Variants in RNGTT observed in about 807,000 individuals in gnomAD.
RNGTT encodes RNA guanylyltransferase and 5'-phosphatase.
In RNGTT, 33 loss-of-function variants were observed where a neutral mutation model predicts 79.3. The observed-to-expected ratio is 0.42, with a 90% CI of 0.32 to 0.56. RNGTT has a LOEUF of 0.56. Ranked by LOEUF, RNGTT falls within the 20% of genes least tolerant of loss-of-function variation. The probability of loss-of-function intolerance (pLI) is 0.17; values close to 1 mark genes in which losing one functional copy is unlikely to be tolerated. For missense variants in RNGTT, 497 were observed against 739.1 expected, an observed-to-expected ratio of 0.67 and a Z score of 3.80; for synonymous variants, 222 against 235.9, an observed-to-expected ratio of 0.94 and a Z score of 0.54.
At chr6:88,707,725 T>TAAAAA (rs60313151) in intron 13 of RNGTT, among the ~76,000 whole-genome samples, 1 of 123,562 alleles carries the variant, frequency 8.1e-6, no homozygotes, top group African/African-American at 3.1e-5. Context: ...TCCCTAACAT[T>TAAAAA]AAAAAAAAAA....
At chr6:88,904,560 T>TC (rs1264317446) in intron 6 of RNGTT, among the ~76,000 whole-genome samples, 155 bp downstream of exon 6, 1 of 146,718 alleles carries the variant, frequency 6.8e-6, no homozygotes, top group Non-Finnish European at 1.5e-5. Context: ...AAACTTTCTC[T>TC]CCAAAAAAAA....
intron 11 of RNGTT, among the ~76,000 whole-genome samples, chr6:88,836,034 A>G (rs1281165219): frequency 8.0e-6 from 1 of 125,020 alleles, no homozygotes; most frequent in Non-Finnish European, 1.8e-5. Flanking sequence ...ATATATATAT[A>G]AGATTTACAT....
chr6:88,863,698 CCT>C (rs1562291652), intron 8 of RNGTT, among the ~76,000 whole-genome samples: 1 of 152,216 alleles, frequency 6.6e-6, no homozygotes, highest in Non-Finnish European at 1.5e-5. Context: ...TTTCTAGATT[CCT>C]CTCTCTTATT....
chr6:88,744,463 T>C (rs1777595878), intron 13 of RNGTT, among the ~76,000 whole-genome samples: 1 of 152,074 alleles, frequency 6.6e-6, no homozygotes, highest in Non-Finnish European at 1.5e-5. Context: ...GGTTTCACCA[T>C]GTTGGCCAAG....
At chr6:88,705,399 A>T (rs770820916) in intron 13 of RNGTT, among the ~76,000 whole-genome samples, 1 of 151,754 alleles carries the variant, frequency 6.6e-6, no homozygotes, top group Non-Finnish European at 1.5e-5. Context: ...AAGCAAACTT[A>T]TATGTAGATT....
chr6:88,706,329 A>T (rs1776129827), intron 13 of RNGTT, among the ~76,000 whole-genome samples: 1 of 152,106 alleles, frequency 6.6e-6, no homozygotes, highest in African/African-American at 2.4e-5. Flanking sequence ...ACAAGAAAAT[A>T]GAGGTCCCTC....
intron 4 of RNGTT, among the ~76,000 whole-genome samples, chr6:88,917,514 T>C (rs754783933): frequency 2.6e-5 from 4 of 152,158 alleles, no homozygotes; most frequent in Non-Finnish European, 5.9e-5. Flanking sequence ...CTGTGAAACA[T>C]ACTAAAGATT....
At chr6:88,729,170 G>A (rs1030066960) in intron 13 of RNGTT, among the ~76,000 whole-genome samples, 3 of 152,104 alleles carry the variant, frequency 2.0e-5, no homozygotes, top group Non-Finnish European at 2.9e-5. Context: ...TGTCTCTCAC[G>A]ACAGGCAGGA....
intron 14 of RNGTT, among the ~76,000 whole-genome samples, chr6:88,633,652 A>C (rs1460821162): frequency 6.6e-6 from 1 of 152,196 alleles, no homozygotes; most frequent in Non-Finnish European, 1.5e-5. Context: ...TTTAAAAAAT[A>C]CAGTCTCTTT....
At chr6:88,669,537 G>A (rs551207113) in intron 14 of RNGTT, among the ~76,000 whole-genome samples, 31 of 152,288 alleles carry the variant, frequency 2.0e-4, no homozygotes, top group South Asian at 6.2e-4. Context: ...GCTGTATAAC[G>A]GCACAAGAAG....
Position 88,614,263 on chromosome 6 carries a change from C to T in RNGTT, c.1630+9G>A, listed in dbSNP as rs1772138229. ...AATATAATAAGCACTGGTAAGTTGT[C>T]ATACTCACCCATGGCAGTGTTGTAG... On this transcript the variant is annotated intron_variant, in intron 15 of 15. Transcript: ENST00000369485. The T allele has an allele frequency of 6.2e-7, 1 of 1,613,246 alleles. No homozygotes were observed. The highest frequency in any genetic ancestry group is 2.2e-5 in the East Asian group (1 of 44,862).
intron 11 of RNGTT, among the ~76,000 whole-genome samples, chr6:88,839,167 G>A (rs996451013): frequency 4.6e-5 from 7 of 152,028 alleles, no homozygotes; most frequent in African/African-American, 1.4e-4. Flanking sequence ...AACTGTTAAA[G>A]AGAAATGAAG....
intron 13 of RNGTT, among the ~76,000 whole-genome samples, chr6:88,695,864 T>C (rs572937981): frequency 6.6e-6 from 1 of 152,162 alleles, no homozygotes; most frequent in Admixed American, 6.5e-5. Flanking sequence ...GGAAGAATCT[T>C]GAGGATGTTA....
At chr6:88,810,735 C>T (rs952729644) in intron 11 of RNGTT, among the ~76,000 whole-genome samples, 2 of 152,072 alleles carry the variant, frequency 1.3e-5, no homozygotes, top group African/African-American at 4.8e-5. Flanking sequence ...TAAAGTAAAA[C>T]TTATTCATGA....
At chr6:88,799,769 A>C (rs557710413) in intron 12 of RNGTT, among the ~76,000 whole-genome samples, 1 of 151,832 alleles carries the variant, frequency 6.6e-6, no homozygotes, top group East Asian at 1.9e-4. Flanking sequence ...AACTGCCTAT[A>C]CTAGACATCC....
At chr6:88,858,918 C>G (rs1781921062) in intron 8 of RNGTT, among the ~76,000 whole-genome samples, 1 of 152,012 alleles carries the variant, frequency 6.6e-6, no homozygotes, top group Non-Finnish European at 1.5e-5. Flanking sequence ...GTTCAGAATA[C>G]TCAAGTGTAA....
At chr6:88,782,771 G>A (rs1232725265) in intron 12 of RNGTT, among the ~76,000 whole-genome samples, 1 of 152,068 alleles carries the variant, frequency 6.6e-6, no homozygotes, top group Non-Finnish European at 1.5e-5. Flanking sequence ...AACGTAGATG[G>A]CCAACAGACC....
chr6:88,910,232 A>T (rs1044844857), intron 4 of RNGTT, among the ~76,000 whole-genome samples: 2 of 152,220 alleles, frequency 1.3e-5, no homozygotes, highest in African/African-American at 2.4e-5. Flanking sequence ...AATCCAAGGA[A>T]GTCAGAAAAA....
intron 14 of RNGTT, among the ~76,000 whole-genome samples, chr6:88,631,645 A>AC (rs1562159102): frequency 6.7e-6 from 1 of 150,228 alleles, no homozygotes; most frequent in Non-Finnish European, 1.5e-5. Context: ...TCTCAACTCT[A>AC]CATTTTTTTT....
Sources: allele counts gnomAD v4.1 joint callset (sites outside exome capture counted in the v4.1 genomes callset), GRCh38; gene constraint gnomAD v4.1.1; transcripts MANE v1.5; gene names NCBI Gene and HGNC (gene_info 2026-07-23, HGNC 2026-07-21).